Variants in PLCL1 observed in about 807,000 individuals in gnomAD.
PLCL1 encodes the protein phospholipase C like 1 (inactive).
Under a neutral mutation model 84.4 loss-of-function variants are expected in PLCL1, and 41 were observed. The ratio of observed to expected loss-of-function variants is 0.49; its 90% CI spans 0.38 to 0.63. The LOEUF is 0.63. PLCL1 is among the 30% of genes least tolerant of loss of function. The pLI is 0.00. For missense variants in PLCL1, 1,206 were observed against 1,367.8 expected, an observed-to-expected ratio of 0.88 and a Z score of 1.87; for synonymous variants, 490 against 488.3, an observed-to-expected ratio of 1.00 and a Z score of -0.05.
intron 1 of PLCL1, among the ~76,000 whole-genome samples, chr2:197,822,378 T>G (rs1690832192): frequency 6.6e-6 from 1 of 152,186 alleles, no homozygotes; most frequent in African/African-American, 2.4e-5. Flanking sequence ...GACACTTTCC[T>G]TAGGCAGTCC....
At chr2:198,056,844 C>G (rs1218376087) in intron 1 of PLCL1, among the ~76,000 whole-genome samples, 1 of 152,074 alleles carries the variant, frequency 6.6e-6, no homozygotes, top group South Asian at 2.1e-4. Flanking sequence ...TGATTTGCAC[C>G]CCTGGACACC....
At chr2:197,872,381 CCT>C (rs1466340410) in intron 1 of PLCL1, among the ~76,000 whole-genome samples, 4 of 152,098 alleles carry the variant, frequency 2.6e-5, no homozygotes, top group Non-Finnish European at 5.9e-5. Flanking sequence ...CTGTGTCCTC[CCT>C]CTTTCTCATT....
At chr2:197,903,465 TA>T (rs1341793918) in intron 1 of PLCL1, among the ~76,000 whole-genome samples, 23 of 139,490 alleles carry the variant, frequency 1.6e-4, no homozygotes, top group African/African-American at 3.5e-4. Flanking sequence ...TTACTCCATT[TA>T]AATTTTTTTT....
chr2:198,101,821 A>G (rs1375385766), intron 4 of PLCL1, among the ~76,000 whole-genome samples: 1 of 152,062 alleles, frequency 6.6e-6, no homozygotes, highest in African/African-American at 2.4e-5. Flanking sequence ...GATGAGTCAC[A>G]TATCTGTGAG....
At chr2:198,015,232 C>A (rs1690970001) in intron 1 of PLCL1, among the ~76,000 whole-genome samples, 1 of 152,050 alleles carries the variant, frequency 6.6e-6, no homozygotes, top group Admixed American at 6.6e-5. Context: ...ATCTTTCTAT[C>A]TTGTTCATTT....
At chr2:197,984,290 A>G (rs1690175601) in intron 1 of PLCL1, among the ~76,000 whole-genome samples, 1 of 152,232 alleles carries the variant, frequency 6.6e-6, no homozygotes, top group African/African-American at 2.4e-5. Context: ...ATTTTCATTT[A>G]TCTCTCATGG....
intron 1 of PLCL1, among the ~76,000 whole-genome samples, chr2:197,907,192 A>T (rs770663009): frequency 1.3e-4 from 20 of 152,200 alleles, no homozygotes; most frequent in Non-Finnish European, 2.6e-4. Flanking sequence ...GGCCAGGGCA[A>T]TCAGGCAAGA....
chr2:197,808,585 A>G (rs1690526961), intron 1 of PLCL1, among the ~76,000 whole-genome samples: 1 of 152,154 alleles, frequency 6.6e-6, no homozygotes, highest in African/African-American at 2.4e-5. Context: ...CATTTTTCAC[A>G]GTTTTGCCAA....
chr2:197,809,104 C>T (rs1041724214), intron 1 of PLCL1, among the ~76,000 whole-genome samples: 5 of 152,028 alleles, frequency 3.3e-5, no homozygotes, highest in Non-Finnish European at 7.4e-5. Flanking sequence ...CCCTTGGGTA[C>T]CAGTAGACCC....
At chr2:197,905,151 C>T (rs1574941719) in intron 1 of PLCL1, among the ~76,000 whole-genome samples, 1 of 152,230 alleles carries the variant, frequency 6.6e-6, no homozygotes, top group East Asian at 1.9e-4. Flanking sequence ...CATAGGTATA[C>T]ATGTGCCATG....
intron 1 of PLCL1, among the ~76,000 whole-genome samples, chr2:197,860,720 A>G (rs770661): frequency 0.73 from 110,811 of 151,988 alleles, 41,459 homozygotes; most frequent in African/African-American, 0.9. Flanking sequence ...TTTTAATGGG[A>G]CCGTTTTTCT....
At chr2:197,842,484 C>T (rs1687025389) in intron 1 of PLCL1, among the ~76,000 whole-genome samples, 1 of 152,224 alleles carries the variant, frequency 6.6e-6, no homozygotes, top group East Asian at 1.9e-4. Context: ...CCATCAGCAC[C>T]TCTAAACACT....
chr2:197,820,166 A>G (rs1457977340), intron 1 of PLCL1, among the ~76,000 whole-genome samples: 9 of 152,088 alleles, frequency 5.9e-5, no homozygotes, highest in Non-Finnish European at 1.5e-5. Context: ...GGATCTAAGA[A>G]AAAGCAATGG....
intron 1 of PLCL1, among the ~76,000 whole-genome samples, chr2:197,919,214 G>A (rs2105753198): frequency 6.6e-6 from 1 of 152,240 alleles, no homozygotes; most frequent in African/African-American, 2.4e-5. Context: ...AACCTCCACT[G>A]GACAGGACAT....
At chr2:198,010,412 G>A (rs1485089484) in intron 1 of PLCL1, among the ~76,000 whole-genome samples, 1 of 151,920 alleles carries the variant, frequency 6.6e-6, no homozygotes, top group African/African-American at 2.4e-5. Flanking sequence ...TTTCTGCATT[G>A]ATTGAGATGA....
At chr2:198,046,006 T>TG (rs894763484) in intron 1 of PLCL1, among the ~76,000 whole-genome samples, 3 of 152,122 alleles carry the variant, frequency 2.0e-5, no homozygotes, top group East Asian at 1.9e-4. Context: ...GGGTGACTGG[T>TG]GGGGGGTGGT....
intron 1 of PLCL1, among the ~76,000 whole-genome samples, chr2:197,821,534 G>T (rs1690815848): frequency 6.6e-6 from 1 of 152,080 alleles, no homozygotes; most frequent in African/African-American, 2.4e-5. Flanking sequence ...TTCTTTTTGG[G>T]CCACCCCTTA....
intron 1 of PLCL1, among the ~76,000 whole-genome samples, chr2:197,947,341 CA>C (rs1412302217): frequency 6.6e-6 from 1 of 151,402 alleles, no homozygotes; most frequent in Non-Finnish European, 1.5e-5. Flanking sequence ...CTTATTAAAA[CA>C]CAGATTGTTT....
intron 5 of PLCL1, among the ~76,000 whole-genome samples, chr2:198,116,646 C>A (rs1012945710): frequency 6.6e-6 from 1 of 151,776 alleles, no homozygotes; most frequent in Non-Finnish European, 1.5e-5. Flanking sequence ...AAGGTAACTT[C>A]CAGAAAGAAA....
Sources: allele counts gnomAD v4.1 joint callset (sites outside exome capture counted in the v4.1 genomes callset), GRCh38; gene constraint gnomAD v4.1.1; transcripts MANE v1.5; gene names NCBI Gene and HGNC (gene_info 2026-07-23, HGNC 2026-07-21).